SCFD2: variants seen among roughly 807,000 people sequenced by gnomAD.
The protein encoded by SCFD2 is sec1 family domain containing 2.
A neutral mutation model predicts 58.9 loss-of-function variants in SCFD2; 54 were observed. The observed-to-expected ratio is 0.92, with a 90% confidence interval of 0.74 to 1.15. SCFD2 has a LOEUF of 1.15. SCFD2 is among the 50% of genes most tolerant of loss of function. The pLI, the probability that SCFD2 is intolerant of heterozygous loss-of-function variation, is 0.00. For synonymous variants in SCFD2, 321 were observed against 335.9 expected (o/e 0.96, Z 0.49); for missense variants, 805 against 836.6 (o/e 0.96, Z 0.47).
chr4:53,075,239 C>T (rs1483120193), intron 5 of SCFD2, among the ~76,000 whole-genome samples: 1 of 152,194 alleles, frequency 6.6e-6, no homozygotes. Context: ...TTCTTCACCT[C>T]TCTCAGCCTT....
At chr4:52,889,608 G>T (rs916860301) in intron 7 of SCFD2, among the ~76,000 whole-genome samples, 1 of 152,320 alleles carries the variant, frequency 6.6e-6, no homozygotes. Context: ...TGCCATACCT[G>T]AACACCTGGT....
intron 3 of SCFD2, among the ~76,000 whole-genome samples, chr4:53,281,200 G>A (rs1243818936): frequency 2.0e-5 from 3 of 152,156 alleles, no homozygotes; most frequent in Non-Finnish European, 4.4e-5. Context: ...TTCTATATAT[G>A]CTGTAACATT....
At chr4:53,319,516 G>A (rs185330484) in intron 2 of SCFD2, among the ~76,000 whole-genome samples, 3 of 150,772 alleles carry the variant, frequency 2.0e-5, no homozygotes, top group Admixed American at 6.7e-5. Flanking sequence ...AAGAAAGAAG[G>A]GGAAATAGCC....
At chr4:52,950,155 A>T (rs970108805) in intron 5 of SCFD2, 3 of 152,252 alleles carry the variant, frequency 2.0e-5, no homozygotes, top group African/African-American at 7.2e-5. Context: ...CAAAATATTA[A>T]TGGGTTTTAC....
At chr4:53,028,225 T>C (rs1722527514) in intron 5 of SCFD2, among the ~76,000 whole-genome samples, 1 of 151,998 alleles carries the variant, frequency 6.6e-6, no homozygotes, top group Admixed American at 6.6e-5. Flanking sequence ...CCAGCCTGGG[T>C]GACAGAGCAA....
intron 3 of SCFD2, among the ~76,000 whole-genome samples, chr4:53,310,087 T>C (rs180968170): frequency 8.5e-5 from 13 of 152,252 alleles, no homozygotes; most frequent in Admixed American, 8.5e-4. Flanking sequence ...AGTCTAGTAG[T>C]GAATGCTGCA....
At chr4:53,356,428 C>CAT (rs1447299835) in intron 1 of SCFD2, among the ~76,000 whole-genome samples, 8 of 152,100 alleles carry the variant, frequency 5.3e-5, no homozygotes, top group African/African-American at 1.7e-4. Context: ...AATTTGTAGA[C>CAT]ATATATAGAG....
rs556382294 is a variant in SCFD2 at position 52,934,215 on chromosome 4, C to T, written c.1562-13345G>A. 3.9e-5 allele frequency among the ~76,000 whole-genome samples: 6 copies of T among 152,294 alleles called. No homozygotes were observed. The South Asian group carries it at 1.2e-3, about 32-fold the overall frequency. On this transcript the variant is annotated intron_variant, in intron 5 of 8. Transcript: ENST00000401642. The stretch of plus-strand genomic sequence containing the variant: ...CATACAACCTCCTTCATTACTGCAT[C>T]AAGTGCTTGCCTCTCTCCCAGTGGG...
At chr4:53,214,137 G>A (rs1176049727) in intron 4 of SCFD2, among the ~76,000 whole-genome samples, 4 of 152,100 alleles carry the variant, frequency 2.6e-5, no homozygotes, top group African/African-American at 9.7e-5. Flanking sequence ...TGTCTTTATA[G>A]CAGCATGATA....
intron 4 of SCFD2, among the ~76,000 whole-genome samples, chr4:53,188,543 T>C (rs750638495): frequency 4.3e-4 from 66 of 151,982 alleles, no homozygotes; most frequent in Admixed American, 1.8e-3. Context: ...CAAATATATT[T>C]AGCCCCATCC....
At chr4:53,105,625 T>C (rs1232965813) in intron 5 of SCFD2, among the ~76,000 whole-genome samples, 3 of 152,214 alleles carry the variant, frequency 2.0e-5, no homozygotes, top group Non-Finnish European at 2.9e-5. Flanking sequence ...AGTAGTCAGA[T>C]TGCCTCTCTA....
chr4:53,066,059 C>T (rs1313059964), intron 5 of SCFD2, among the ~76,000 whole-genome samples: 1 of 151,946 alleles, frequency 6.6e-6, no homozygotes, highest in Non-Finnish European at 1.5e-5. Context: ...AAAATGATTC[C>T]CCTAACATCA....
chr4:52,965,554 A>C (rs540962865), intron 5 of SCFD2, among the ~76,000 whole-genome samples: 28 of 152,344 alleles, frequency 1.8e-4, no homozygotes, highest in African/African-American at 6.7e-4. Flanking sequence ...AGTATTCAAA[A>C]TGATGCCAAT....
At chr4:53,277,027 T>C (rs1236462917) in intron 3 of SCFD2, among the ~76,000 whole-genome samples, 1 of 152,230 alleles carries the variant, frequency 6.6e-6, no homozygotes, top group African/African-American at 2.4e-5. Context: ...GTTTGTTTTC[T>C]TATTACTGAG....
intron 4 of SCFD2, among the ~76,000 whole-genome samples, chr4:53,219,201 C>T (rs969959222): frequency 6.6e-6 from 1 of 152,214 alleles, no homozygotes; most frequent in African/African-American, 2.4e-5. Context: ...GAGGTTTCTG[C>T]TGCCTTTTGT....
chr4:53,318,472 C>T (rs1484192219), intron 2 of SCFD2, among the ~76,000 whole-genome samples: 2 of 152,128 alleles, frequency 1.3e-5, no homozygotes, highest in African/African-American at 4.8e-5. Flanking sequence ...ATATCTTCAG[C>T]AGGACTCTAC....
chr4:52,893,433 A>AT (rs1718925740), intron 7 of SCFD2, among the ~76,000 whole-genome samples: 1 of 152,102 alleles, frequency 6.6e-6, no homozygotes, highest in Non-Finnish European at 1.5e-5. Flanking sequence ...TTCAGCTCTC[A>AT]CCATCCAAGG....
At chr4:53,167,568 C>T (rs1366878506) in intron 4 of SCFD2, among the ~76,000 whole-genome samples, 3 of 152,256 alleles carry the variant, frequency 2.0e-5, no homozygotes, top group East Asian at 3.9e-4. Context: ...ATATCTAGCT[C>T]CTAGGCTTTT....
chr4:53,138,938 C>T (rs1726025273), intron 5 of SCFD2, among the ~76,000 whole-genome samples: 1 of 148,080 alleles, frequency 6.8e-6, no homozygotes, highest in African/African-American at 2.5e-5. Context: ...CTGGACTGTA[C>T]TGCCGCCATC....
Sources: gnomAD v4.1 joint callset for allele counts (sites outside exome capture counted in the v4.1 genomes callset) on GRCh38, gnomAD v4.1.1 for gene constraint, MANE v1.5 for transcripts, NCBI Gene and HGNC (gene_info 2026-07-23, HGNC 2026-07-21) for gene names.